RBFOX1: variants seen among roughly 807,000 people sequenced by gnomAD.
RBFOX1 encodes RNA binding fox-1 homolog 1, also known as RNA binding protein fox-1 homolog 1.
RBFOX1 carries 8 observed loss-of-function variants against 57.7 expected under a neutral mutation model. That is an observed-to-expected ratio of 0.14 (90% CI 0.08 to 0.25). The LOEUF (loss-of-function observed/expected upper bound fraction) is 0.25. RBFOX1 is among the 10% of genes least tolerant of loss of function. The probability of loss-of-function intolerance (pLI) is 1.00; values close to 1 mark genes in which losing one functional copy is unlikely to be tolerated. For missense variants in RBFOX1, 611 were observed against 548.5 expected (o/e 1.11, Z -1.14); for synonymous variants, 326 against 222.4 (o/e 1.47, Z -4.15).
At chr16:6,185,246 C>G (rs952299611) in intron 1 of RBFOX1, among the ~76,000 whole-genome samples, 2 of 152,184 alleles carry the variant, frequency 1.3e-5, no homozygotes, top group African/African-American at 2.4e-5. Flanking sequence ...CACTCTCTTT[C>G]TCTGATTTCC....
At chr16:7,337,468 G>C (rs926339591) in intron 4 of RBFOX1, among the ~76,000 whole-genome samples, 1 of 152,162 alleles carries the variant, frequency 6.6e-6, no homozygotes. Context: ...TACTGAGATA[G>C]AGCCTTGGCG....
At chr16:7,103,854 T>A (rs1006949722) in intron 4 of RBFOX1, among the ~76,000 whole-genome samples, 1 of 152,154 alleles carries the variant, frequency 6.6e-6, no homozygotes, top group Non-Finnish European at 1.5e-5. Flanking sequence ...AAAGTACTAT[T>A]ACCTAGTGAT....
At chr16:7,254,186 G>T (rs2094589004) in intron 4 of RBFOX1, among the ~76,000 whole-genome samples, 1 of 152,092 alleles carries the variant, frequency 6.6e-6, no homozygotes, top group South Asian at 2.1e-4. Context: ...GAAATAGTTT[G>T]CCTGAAATCA....
chr16:6,907,697 A>C (rs1304520427), intron 3 of RBFOX1, among the ~76,000 whole-genome samples: 1 of 152,048 alleles, frequency 6.6e-6, no homozygotes, highest in Admixed American at 6.6e-5. Flanking sequence ...CAGCCTCCTG[A>C]GTAGCTGGGA....
intron 4 of RBFOX1, chr16:7,333,129 G>C: frequency 4.5e-6 from 7 of 1,566,982 alleles, no homozygotes; most frequent in Non-Finnish European, 6.1e-6. Context: ...TAACTCCAGA[G>C]TGCTCAGAGT....
intron 3 of RBFOX1, among the ~76,000 whole-genome samples, chr16:5,801,086 C>T (rs1424591936): frequency 6.6e-6 from 1 of 152,082 alleles, no homozygotes; most frequent in Non-Finnish European, 1.5e-5. Context: ...AAATAGGCCC[C>T]GCCCAGAGTG....
chr16:5,433,666 G>T (rs1424411908), intron 1 of RBFOX1, among the ~76,000 whole-genome samples: 1 of 152,176 alleles, frequency 6.6e-6, no homozygotes, highest in Admixed American at 6.5e-5. Flanking sequence ...TGTGGCATTT[G>T]TCGCAATTAC....
intron 14 of RBFOX1, among the ~76,000 whole-genome samples, chr16:7,698,286 C>G (rs902126527): frequency 1.3e-5 from 2 of 151,902 alleles, no homozygotes; most frequent in Non-Finnish European, 2.9e-5. Flanking sequence ...CCAGGACCCA[C>G]CATGCATTCC....
chr16:7,677,132 T>TACAC (rs59379802), intron 14 of RBFOX1, among the ~76,000 whole-genome samples: 2,573 of 137,924 alleles, frequency 0.019, 57 homozygotes, highest in African/African-American at 0.028. Context: ...CACATACACA[T>TACAC]ACACACACAC....
chr16:6,019,927 G>A lies in RBFOX1; in HGVS notation c.-192G>A, dbSNP rs891572896. The A allele has an allele frequency of 3.9e-6, 6 of 1,534,698 alleles. No individual in the cohort carries two copies. The highest frequency in any genetic ancestry group is 5.2e-6 in the Non-Finnish European group (6 of 1,146,378). On this transcript the variant is annotated 5_prime_UTR_variant, in exon 1 of 16. Coordinates refer to ENST00000550418, the MANE Select transcript of RBFOX1 (RefSeq NM_018723.4). The surrounding 1 kb of genome is among the most constrained non-coding windows in gnomAD (Gnocchi z 4.2). Reference sequence around the variant, plus strand: ...GTGAGTGTGGCTGGGGGTGCAGAGAGCGCACGGGAATTCGGGGGTCTGGGG... The same window carrying A: ...GTGAGTGTGGCTGGGGGTGCAGAGAACGCACGGGAATTCGGGGGTCTGGGG...
chr16:5,501,778 G>C (rs992561179), intron 2 of RBFOX1, among the ~76,000 whole-genome samples: 1 of 152,016 alleles, frequency 6.6e-6, no homozygotes, highest in Non-Finnish European at 1.5e-5. Flanking sequence ...TAGTGGTGCG[G>C]TCACAGCTCC....
At chr16:6,463,314 G>T (rs2094962250) in intron 2 of RBFOX1, among the ~76,000 whole-genome samples, 1 of 152,144 alleles carries the variant, frequency 6.6e-6, no homozygotes, top group Non-Finnish European at 1.5e-5. Context: ...TACTCACACA[G>T]ATCACAATTT....
intron 3 of RBFOX1, among the ~76,000 whole-genome samples, chr16:6,978,195 G>A (rs187513972): frequency 1.0e-3 from 154 of 152,218 alleles, no homozygotes; most frequent in African/African-American, 3.5e-3. Flanking sequence ...GCCTTGACTG[G>A]GCCCTCGGTT....
chr16:6,992,880 G>T (rs1226743191), intron 3 of RBFOX1, among the ~76,000 whole-genome samples: 1 of 147,376 alleles, frequency 6.8e-6, no homozygotes, highest in African/African-American at 2.5e-5. Flanking sequence ...AATATATTCA[G>T]TGCCCACCGC....
At chr16:6,907,233 C>T (rs773314526) in intron 3 of RBFOX1, among the ~76,000 whole-genome samples, 6 of 152,176 alleles carry the variant, frequency 3.9e-5, no homozygotes, top group Admixed American at 2.6e-4. Flanking sequence ...TCCTACAGTG[C>T]GCAGGATGGC....
chr16:5,943,523 C>G (rs766384048), intron 4 of RBFOX1, among the ~76,000 whole-genome samples: 2 of 152,164 alleles, frequency 1.3e-5, no homozygotes, highest in Admixed American at 1.3e-4. Flanking sequence ...ATGCCAGAAA[C>G]AGGAGGGAAG....
chr16:6,843,705 A>AT (rs2093614252), intron 3 of RBFOX1, among the ~76,000 whole-genome samples: 1 of 152,160 alleles, frequency 6.6e-6, no homozygotes, highest in Non-Finnish European at 1.5e-5. Context: ...AATAAGTAAA[A>AT]TTATAAAAAA....
At chr16:7,428,494 T>TTTTTTATTATTATTA (rs71391634) in intron 4 of RBFOX1, among the ~76,000 whole-genome samples, 2 of 128,714 alleles carry the variant, frequency 1.6e-5, no homozygotes, top group African/African-American at 2.9e-5. Context: ...TCCTGGCTAT[T>TTTTTTATTATTATTA]TTATTATTAT....
intron 13 of RBFOX1, among the ~76,000 whole-genome samples, chr16:7,668,897 G>A (rs1014832871): frequency 6.6e-6 from 1 of 152,058 alleles, no homozygotes; most frequent in African/African-American, 2.4e-5. Flanking sequence ...TCTCATACTT[G>A]GAAGTGAAGC....
Sources: allele counts gnomAD v4.1 joint callset (sites outside exome capture counted in the v4.1 genomes callset), GRCh38; gene constraint gnomAD v4.1.1; non-coding constraint Gnocchi (gnomAD v3.1); transcripts MANE v1.5; gene names NCBI Gene and HGNC (gene_info 2026-07-23, HGNC 2026-07-21).